AP2A1: variants seen among roughly 807,000 people sequenced by gnomAD.
AP2A1 encodes AP-2 complex subunit alpha-1.
Under a neutral mutation model 107.3 loss-of-function variants are expected in AP2A1, and 21 were observed. The observed-to-expected ratio is 0.20, with a 90% CI of 0.14 to 0.28. The LOEUF (loss-of-function observed/expected upper bound fraction) is 0.28, where lower values mean the gene tolerates loss of function less well. Ranked by LOEUF, AP2A1 falls within the 10% of genes least tolerant of loss-of-function variation. AP2A1 has a pLI of 1.00. For synonymous variants in AP2A1, 602 were observed against 564.8 expected (o/e 1.07, Z -0.93); for missense variants, 873 against 1,307.7 (o/e 0.67, Z 5.13).
intron 4 of AP2A1, among the ~76,000 whole-genome samples, chr19:49,783,720 G>A (rs956564197): frequency 2.4e-4 from 37 of 152,372 alleles, no homozygotes; most frequent in African/African-American, 3.1e-4. Context: ...GTGAACCCGA[G>A]TATCGGTTTT....
In AP2A1 at chr19:49,768,268, C is replaced by A. The variant is rs560242598; in HGVS notation, c.67+1068C>A. On this transcript the variant is annotated intron_variant, in intron 1 of 22. Coordinates refer to ENST00000354293, the MANE Select transcript of AP2A1 (RefSeq NM_130787.3). ...CCTGGCGGCAAGTCAGCTCTCAACT[C>A]CTGGGAATGGCTGTGGGTGATTGGA... Among the ~76,000 whole-genome samples, 5 of 152,190 alleles carry A rather than the reference C, an allele frequency of 3.3e-5. No individual in the cohort carries two copies. The East Asian group carries it at 9.7e-4, about 29-fold the overall frequency.
At chr19:49,774,544 ATTTTCTTTTTT>A (rs1241913856) in intron 1 of AP2A1, among the ~76,000 whole-genome samples, 1 of 151,412 alleles carries the variant, frequency 6.6e-6, no homozygotes, top group East Asian at 1.9e-4. Context: ...ATATGTTGAA[ATTTTCTTTTTT>A]TTTTCTTTTT....
rs781665806 is a variant in AP2A1 at position 49,802,136 on chromosome 19, C to T, written c.2109C>T (p.Phe703=). The T allele has an allele frequency of 6.4e-7, 1 of 1,562,938 alleles. No individual in the cohort carries two copies. Among genetic ancestry groups the T allele is most frequent in the South Asian group, 1.2e-5 (1 of 86,548 alleles). The change falls in exon 15 of 23, where the codon TTC becomes TTT. Residue 703 remains phenylalanine (F), a synonymous_variant. Transcript: ENST00000354293. ...TGGGGCCCACCCCCGAGGAGGCCTT[C>T]CTCAGGTAGCACCCCCTGGGCCCGG... ...PSLGPTPEEA[F]LSPGPEDIGP...
chr19:49,793,321 C>T (rs547222795), intron 6 of AP2A1, among the ~76,000 whole-genome samples: 19 of 152,200 alleles, frequency 1.2e-4, no homozygotes, highest in African/African-American at 1.9e-4. Context: ...GGGATAATAC[C>T]GGTGCCCACC....
chr19:49,805,416 C>T (rs1371765477), intron 18 of AP2A1, 37 bp from the exon 19 acceptor site: 9 of 1,504,000 alleles, frequency 6.0e-6, no homozygotes, highest in Admixed American at 2.2e-5. Flanking sequence ...CGGGGGCCCA[C>T]CTCCTCTGTC....
intron 15 of AP2A1, chr19:49,802,597 T>C (rs769548983): frequency 6.3e-7 from 1 of 1,591,738 alleles, no homozygotes; most frequent in Non-Finnish European, 8.5e-7. Flanking sequence ...CTCCAGCTGC[T>C]GAGTAAGGGG....
At chr19:49,795,788 C>T (rs761928248) in intron 7 of AP2A1, 50 bp downstream of exon 7, 1 of 1,355,502 alleles carries the variant, frequency 7.4e-7, no homozygotes, top group South Asian at 1.2e-5. Context: ...CTGCTGGCAT[C>T]TGGGGGCCTC....
At chr19:49,781,671 G>C in intron 1 of AP2A1, 86 bp from the exon 2 acceptor site, 1 of 1,360,652 alleles carries the variant, frequency 7.3e-7, no homozygotes, top group Non-Finnish European at 1.0e-6. Flanking sequence ...TGCCCTTCCT[G>C]CTGGGTGGGG....
chr19:49,804,197 C>T (rs1301106421), intron 18 of AP2A1: 1 of 151,998 alleles, frequency 6.6e-6, no homozygotes, highest in African/African-American at 2.4e-5. Flanking sequence ...GATTGTACCA[C>T]TACACTCCAG....
chr19:49,795,967 C>A, intron 7 of AP2A1: 1 of 549,870 alleles, frequency 1.8e-6, no homozygotes, highest in Non-Finnish European at 3.3e-6. Flanking sequence ...TAGCTGAGGT[C>A]CCTGCTACCC....
chr19:49,786,625 G>A (rs1262606803), intron 4 of AP2A1, among the ~76,000 whole-genome samples: 3 of 152,216 alleles, frequency 2.0e-5, no homozygotes, highest in Admixed American at 2.0e-4. Context: ...TCAGGGGTGT[G>A]GGAGGAAAAT....
At chr19:49,771,758 C>T (rs1308631787) in intron 1 of AP2A1, among the ~76,000 whole-genome samples, 1 of 151,948 alleles carries the variant, frequency 6.6e-6, no homozygotes, top group Non-Finnish European at 1.5e-5. Flanking sequence ...CTGTCCTAAG[C>T]CCAGTGAGGA....
At chr19:49,787,969 T>C (rs754857524) in intron 4 of AP2A1, among the ~76,000 whole-genome samples, 3 of 151,944 alleles carry the variant, frequency 2.0e-5, no homozygotes, top group Admixed American at 6.6e-5. Flanking sequence ...TTGCTCGAGA[T>C]AGAGTCTCAC....
In AP2A1 at chr19:49,782,808, GCCTGCCCAAGGTCTC is replaced by G. The variant is rs931803610; in HGVS notation, c.473+87_473+101del. ...GTGTGAGGCTCAGAGAGGCTCTGTT[GCCTGCCCAAGGTCTC>G]CCAGCCGAGATGTGGGCTAACGCTG... On this transcript the variant is annotated intron_variant, in intron 4 of 22. Transcript: ENST00000354293. 16 of 1,431,266 alleles carry G rather than the reference GCCTGCCCAAGGTCTC, an allele frequency of 1.1e-5. No individual in the cohort carries two copies. The African/African-American group carries it at 1.7e-4, about 15-fold the overall frequency. 88.7% of individuals were successfully genotyped at this position (1,431,266 alleles called of 1,614,324 possible).
intron 1 of AP2A1, among the ~76,000 whole-genome samples, chr19:49,773,182 G>A (rs374899443): frequency 6.6e-6 from 1 of 152,188 alleles, no homozygotes; most frequent in Non-Finnish European, 1.5e-5. Flanking sequence ...GCTGGGCCCA[G>A]CCCGAGGGCG....
Position 49,802,966 on chromosome 19 carries a change from T to G in AP2A1, c.2132T>G (p.Ile711Ser), listed in dbSNP as rs759059517. The G allele has an allele frequency of 1.1e-4, 185 of 1,613,168 alleles. 1 individual carries two copies. The highest frequency in any genetic ancestry group is 3.3e-4 in the Admixed American group (20 of 59,900). The change falls in exon 16 of 23, where the codon ATC (isoleucine) becomes AGC (serine). Residue 711 changes from isoleucine to serine, a missense_variant. By Grantham distance (142) the Ile-to-Ser change is moderately radical. Around this residue, in one of 4 missense-constraint regions of AP2A1, gnomAD observed 416 missense variants for 473.4 expected, o/e 0.88. Coordinates refer to ENST00000354293, the MANE Select transcript of AP2A1 (RefSeq NM_130787.3). ...GCCTCCAGCCCAGGTCCTGAGGACA[T>G]CGGCCCTCCCATTCCGGAAGCCGAT... Reference protein sequence around the residue: ...EAFLSPGPEDIGPPIPEADEL... With the variant: ...EAFLSPGPEDSGPPIPEADEL...
At position 49,806,295 on chromosome 19, in the gene AP2A1, G is replaced by A. The variant is rs377626063; in HGVS notation, c.2790+42G>A. 370 of 1,553,330 alleles carry A rather than the reference G, an allele frequency of 2.4e-4. 6 individuals carry two copies. The South Asian group carries it at 4.2e-3, about 18-fold the overall frequency. ...GAGGCCTGAGGCCGGCAGGAAGGCC[G>A]CCTGTCATCTCTGCGTCCACCCTTC... On this transcript the variant is annotated intron_variant, in intron 22 of 22. Transcript: ENST00000354293.
At chr19:49,799,237 G>A (rs1179365950) in intron 8 of AP2A1, 90 bp from the exon 9 acceptor site, 5 of 1,430,334 alleles carry the variant, frequency 3.5e-6, no homozygotes, top group Non-Finnish European at 4.7e-6. Flanking sequence ...GATCCTTGGG[G>A]GCTGTGAGAT....
At position 49,792,233 on chromosome 19, in the gene AP2A1, G is replaced by A. The variant is rs1484371812; in HGVS notation, c.603+169G>A. ...CCGGGGCTCCCACCTCAGCCCTCACGCCCCCGGATACCCAGGGCTCCCACC... is the reference window on the plus strand; with the variant it reads ...CCGGGGCTCCCACCTCAGCCCTCACACCCCCGGATACCCAGGGCTCCCACC... On this transcript the variant is annotated intron_variant, in intron 5 of 22. Coordinates refer to ENST00000354293, the MANE Select transcript of AP2A1 (RefSeq NM_130787.3). Among the ~76,000 whole-genome samples, 171 of 76,122 alleles carry A rather than the reference G, an allele frequency of 2.2e-3. 1 individual carries two copies. Among genetic ancestry groups the A allele is most frequent in the African/African-American group, 8.0e-3 (154 of 19,228 alleles). The allele number at this position is 76,122 out of a possible 152,430, so 49.9% of individuals were successfully genotyped here.
Sources: gnomAD v4.1 joint callset for allele counts (sites outside exome capture counted in the v4.1 genomes callset) on GRCh38, gnomAD v4.1.1 for gene constraint, gnomAD v4.1.1 regional missense constraint, MANE v1.5 for transcripts, NCBI Gene and HGNC (gene_info 2026-07-23, HGNC 2026-07-21) for gene names.